Variants in TMEM33 observed in about 807,000 individuals in gnomAD.
TMEM33 encodes the protein transmembrane protein 33.
TMEM33 carries 16 observed loss-of-function variants against 29.7 expected under a neutral mutation model. The ratio of observed to expected loss-of-function variants is 0.54; its 90% CI spans 0.36 to 0.82. The LOEUF (loss-of-function observed/expected upper bound fraction) is 0.82. TMEM33 is among the 40% of genes least tolerant of loss of function. TMEM33 has a pLI of 0.00. For missense variants in TMEM33, 252 were observed against 295.3 expected (o/e 0.85, Z 1.08); for synonymous variants, 112 against 109.4 (o/e 1.02, Z -0.15).
intron 5 of TMEM33, among the ~76,000 whole-genome samples, chr4:41,948,895 A>G (rs1409882949): frequency 6.6e-6 from 1 of 152,088 alleles, no homozygotes; most frequent in African/African-American, 2.4e-5. Context: ...CTGATGAGCC[A>G]GTGTAATTTT....
In TMEM33 at chr4:41,949,340, GA is replaced by G; in HGVS notation, c.570del (p.Arg190SerfsTer22). On this transcript the variant is annotated frameshift_variant, in exon 6 of 7. Transcript: ENST00000504986. LOFTEE classifies it high-confidence loss of function. ...TTGCTCCAACCTTTTATATACTATA[GA>G]TTTCTTACCCTTCGATATTCGTCTC... The part of the protein sequence containing the change: ...GSLLQPFIYY[R>X]FLTLRYSSRR... 6.2e-7 allele frequency: 1 copy of G among 1,611,220 alleles called. No individual in the cohort carries two copies. The highest frequency in any genetic ancestry group is 8.5e-7 in the Non-Finnish European group (1 of 1,178,944).
rs372203207 is a variant in TMEM33 at position 41,944,881 on chromosome 4, G to C, written c.485G>C (p.Cys162Ser). The C allele has an allele frequency of 1.5e-4, 236 of 1,613,352 alleles. 4 individuals are homozygous for C. The South Asian group carries it at 2.3e-3, about 15-fold the overall frequency. Residue 162 changes from cysteine (C) to serine (S), a missense_variant, in exon 5 of 7, where the codon TGC becomes TCC. By Grantham distance (112) the Cys-to-Ser change is moderately radical (BLOSUM62 -1). Transcript: ENST00000504986. ...CAAAATATTCTGAAATTCATTGCTT[G>C]CAATGAAATATTCCTGATGCCTGCG... is the stretch of plus-strand genomic sequence containing the variant. ...NQQNILKFIA[C>S]NEIFLMPATV...
chr4:41,949,619 A>G (rs1291883918), intron 6 of TMEM33, among the ~76,000 whole-genome samples: 1 of 152,200 alleles, frequency 6.6e-6, no homozygotes, highest in East Asian at 1.9e-4. Context: ...GCACTGCTAA[A>G]ACTTAGCAAA....
At chr4:41,942,052 G>T (rs1712564282) in intron 3 of TMEM33, among the ~76,000 whole-genome samples, 1 of 152,192 alleles carries the variant, frequency 6.6e-6, no homozygotes, top group Non-Finnish European at 1.5e-5. Flanking sequence ...TTAGGTTAGT[G>T]ACAGAGTCAG....
rs932275990 is a variant in TMEM33, at chr4:41,957,183, C to G, written c.*2984C>G. ...TCTACTTTATTTTAGCAAGGATTCT[C>G]TGTCCTTTTGTATAGTTGGTACCTT... On this transcript the variant is annotated 3_prime_UTR_variant, in exon 7 of 7. Coordinates refer to ENST00000504986, the MANE Select transcript of TMEM33 (RefSeq NM_018126.3). 1 of 151,062 alleles carries G rather than the reference C, an allele frequency of 6.6e-6. No individual in the cohort carries two copies. Among genetic ancestry groups the G allele is most frequent in the Non-Finnish European group, 1.5e-5 (1 of 67,868 alleles). 9.4% of individuals were successfully genotyped at this position (151,062 alleles called of 1,614,324 possible).
intron 3 of TMEM33, among the ~76,000 whole-genome samples, chr4:41,940,587 A>C (rs912116715): frequency 6.6e-6 from 1 of 152,044 alleles, no homozygotes; most frequent in Admixed American, 6.6e-5. Context: ...AGGTGGGCGG[A>C]TCATGAGGTC....
chr4:41,939,167 A>G, intron 2 of TMEM33, 29 bp from the exon 3 acceptor site: 1 of 1,565,748 alleles, frequency 6.4e-7, no homozygotes, highest in Non-Finnish European at 8.6e-7. Context: ...TTTATGTCTC[A>G]TGATAACCTC....
chr4:41,940,079 G>T (rs1393733890), intron 3 of TMEM33, among the ~76,000 whole-genome samples: 1 of 104,074 alleles, frequency 9.6e-6, no homozygotes, highest in African/African-American at 4.2e-5. Flanking sequence ...TTGAGACAGA[G>T]TCTTGCTCTG....
chr4:41,953,341 T>C (rs1160812957), intron 6 of TMEM33, among the ~76,000 whole-genome samples: 1 of 152,264 alleles, frequency 6.6e-6, no homozygotes, highest in African/African-American at 2.4e-5. Flanking sequence ...GGTTTTCCAG[T>C]GCATACAGAA....
In TMEM33 at chr4:41,937,494, AT is replaced by A. The variant is rs554085954; in HGVS notation, c.46-1099del. 1.2e-3 allele frequency among the ~76,000 whole-genome samples: 176 copies of A among 151,564 alleles called. 1 individual carries two copies. Among genetic ancestry groups the A allele is most frequent in the African/African-American group, 3.8e-3 (159 of 41,338 alleles). On this transcript the variant is annotated intron_variant, in intron 1 of 6. Coordinates refer to ENST00000504986, the MANE Select transcript of TMEM33 (RefSeq NM_018126.3). ...TGGATTTTTCCCTCAAATTTTTTAT[AT>A]TTTTTTTTCAAAAGATAATGAAATT...
chr4:41,946,176 A>T (rs1299493246), intron 5 of TMEM33, among the ~76,000 whole-genome samples: 1 of 150,232 alleles, frequency 6.7e-6, no homozygotes, highest in Non-Finnish European at 1.5e-5. Context: ...TGCAGTAAAT[A>T]TTTTTTACCT....
At chr4:41,950,579 T>C (rs532783704) in intron 6 of TMEM33, among the ~76,000 whole-genome samples, 1 of 152,298 alleles carries the variant, frequency 6.6e-6, no homozygotes, top group South Asian at 2.1e-4. Flanking sequence ...TTCAGAGCGT[T>C]TTTATGCTCT....
Position 41,956,033 on chromosome 4 carries a change from A to C in TMEM33, c.*1834A>C, listed in dbSNP as rs1464886930. 1 of 152,228 alleles carries C rather than the reference A, an allele frequency of 6.6e-6. No homozygotes were observed. Among genetic ancestry groups the C allele is most frequent in the Non-Finnish European group, 1.5e-5 (1 of 68,070 alleles). 9.4% of individuals were successfully genotyped at this position (152,228 alleles called of 1,614,324 possible). On this transcript the variant is annotated 3_prime_UTR_variant, in exon 7 of 7. Coordinates refer to ENST00000504986, the MANE Select transcript of TMEM33 (RefSeq NM_018126.3). The stretch of plus-strand genomic sequence containing the variant: ...GTCTCTGTCGCCAAGGCTGGAGTGC[A>C]GTGGCGCAATCCTGGCTCACTGTAG...
At position 41,954,310 on chromosome 4, in the gene TMEM33, AT is replaced by A; in HGVS notation, c.*114del. 1.8e-6 allele frequency: 2 copies of A among 1,091,544 alleles called. No individual in the cohort carries two copies. Among genetic ancestry groups the A allele is most frequent in the African/African-American group, 1.6e-5 (1 of 62,670 alleles). The allele number at this position is 1,091,544 out of a possible 1,614,324, so 67.6% of individuals were successfully genotyped here. On this transcript the variant is annotated 3_prime_UTR_variant, in exon 7 of 7. Coordinates refer to ENST00000504986, the MANE Select transcript of TMEM33 (RefSeq NM_018126.3). ...CACTGACCTCAATCCAATTTACATA[AT>A]TTACATAAATGCATCTCGGTGGAAA...
chr4:41,941,506 G>A (rs577592040), intron 3 of TMEM33, among the ~76,000 whole-genome samples: 8 of 152,202 alleles, frequency 5.3e-5, no homozygotes, highest in Non-Finnish European at 7.3e-5. Context: ...ACACAGATCA[G>A]GCACTCAGTA....
chr4:41,935,642 A>G, intron 1 of TMEM33, 113 bp downstream of exon 1: 1 of 1,104,112 alleles, frequency 9.1e-7, no homozygotes, highest in Non-Finnish European at 1.3e-6. Flanking sequence ...AATGGGATTA[A>G]TGAGTTGGGG....
At chr4:41,943,869 T>C (rs553103094) in intron 4 of TMEM33, 55 bp downstream of exon 4, 1 of 1,536,338 alleles carries the variant, frequency 6.5e-7, no homozygotes, top group Admixed American at 1.7e-5. Flanking sequence ...TGACATGAAT[T>C]TGAGTTCTAA....
At chr4:41,944,029 A>G in intron 4 of TMEM33, 1 of 491,648 alleles carries the variant, frequency 2.0e-6, no homozygotes, top group South Asian at 2.9e-5. Context: ...TGCACTTAAA[A>G]TCACCCCCCA....
chr4:41,935,205 T>G (rs1712157910), upstream of TMEM33: 3 of 562,796 alleles, frequency 5.3e-6, no homozygotes, highest in Admixed American at 9.5e-5. Context: ...ACCCCGAAGC[T>G]CCACCTTCGC....
Sources: gnomAD v4.1 joint callset for allele counts (sites outside exome capture counted in the v4.1 genomes callset) on GRCh38, gnomAD v4.1.1 for gene constraint, MANE v1.5 for transcripts, NCBI Gene and HGNC (gene_info 2026-07-23, HGNC 2026-07-21) for gene names.